Variants in SUCLG2 observed in about 807,000 individuals in gnomAD.
SUCLG2 encodes succinate-CoA ligase GDP-forming subunit beta, also known as succinate--CoA ligase [GDP-forming] subunit beta, mitochondrial.
SUCLG2 carries 42 observed loss-of-function variants against 47.9 expected under a neutral mutation model. The ratio of observed to expected loss-of-function variants is 0.88; its 90% CI spans 0.69 to 1.14. The LOEUF is 1.14. Among genes scored for constraint, SUCLG2 ranks in the 50% most tolerant of loss-of-function variants. The pLI is 0.00. For missense variants in SUCLG2, 571 were observed against 525.9 expected, an observed-to-expected ratio of 1.09 and a Z score of -0.84; for synonymous variants, 195 against 197.3, an observed-to-expected ratio of 0.99 and a Z score of 0.10.
intron 9 of SUCLG2, among the ~76,000 whole-genome samples, chr3:67,462,521 G>A (rs1575712344): frequency 6.6e-6 from 1 of 152,174 alleles, no homozygotes; most frequent in Non-Finnish European, 1.5e-5. Context: ...GCTTCTGGAC[G>A]GCTGAATGCA....
At chr3:67,464,340 T>C (rs1198462779) in intron 9 of SUCLG2, among the ~76,000 whole-genome samples, 1 of 152,200 alleles carries the variant, frequency 6.6e-6, no homozygotes, top group Non-Finnish European at 1.5e-5. Context: ...GGGTGTGCAA[T>C]TTTACAAGCG....
At chr3:67,602,303 G>A (rs1024859037) in intron 2 of SUCLG2, among the ~76,000 whole-genome samples, 15 of 152,314 alleles carry the variant, frequency 9.8e-5, no homozygotes, top group African/African-American at 3.6e-4. Context: ...TTAGTAGGCT[G>A]TTAAAATTGA....
intron 1 of SUCLG2, among the ~76,000 whole-genome samples, chr3:67,624,290 G>A (rs377421669): frequency 6.6e-6 from 1 of 152,118 alleles, no homozygotes; most frequent in East Asian, 1.9e-4. Context: ...CCTTCGCTGG[G>A]GAAATTCCTG....
At chr3:67,452,039 C>T (rs751323525) in intron 9 of SUCLG2, among the ~76,000 whole-genome samples, 1 of 152,138 alleles carries the variant, frequency 6.6e-6, no homozygotes, top group Non-Finnish European at 1.5e-5. Flanking sequence ...TCCCTAGAAT[C>T]ATCTAGGAAT....
intron 9 of SUCLG2, among the ~76,000 whole-genome samples, chr3:67,409,952 T>C (rs886582209): frequency 3.9e-5 from 6 of 152,182 alleles, no homozygotes; most frequent in Non-Finnish European, 7.4e-5. Context: ...CCAAAGTATA[T>C]TGTACGAAGT....
At chr3:67,448,302 G>A (rs1365446956) in intron 9 of SUCLG2, among the ~76,000 whole-genome samples, 1 of 152,086 alleles carries the variant, frequency 6.6e-6, no homozygotes, top group Non-Finnish European at 1.5e-5. Flanking sequence ...GACCTATTAG[G>A]TAAAAATGTA....
At chr3:67,537,575 G>T (rs887145362) in intron 2 of SUCLG2, among the ~76,000 whole-genome samples, 1 of 152,120 alleles carries the variant, frequency 6.6e-6, no homozygotes, top group African/African-American at 2.4e-5. Context: ...AATCCTTTGG[G>T]TATACGCCCA....
chr3:67,557,012 C>T (rs1474492954), intron 2 of SUCLG2, among the ~76,000 whole-genome samples: 3 of 152,170 alleles, frequency 2.0e-5, no homozygotes, highest in Non-Finnish European at 4.4e-5. Flanking sequence ...CTTGGACTGC[C>T]TTTCTACCAT....
intron 1 of SUCLG2, among the ~76,000 whole-genome samples, chr3:67,627,583 C>A (rs1470733776): frequency 6.6e-6 from 1 of 152,222 alleles, no homozygotes; most frequent in Non-Finnish European, 1.5e-5. Context: ...GGCTGATAAT[C>A]CTGCAAATTA....
At chr3:67,507,983 T>C (rs1192707673) in intron 7 of SUCLG2, among the ~76,000 whole-genome samples, 2 of 152,256 alleles carry the variant, frequency 1.3e-5, no homozygotes, top group East Asian at 3.8e-4. Context: ...TTACAAGCTT[T>C]TGCTATCAAA....
intron 7 of SUCLG2, among the ~76,000 whole-genome samples, chr3:67,501,021 G>A (rs1705481262): frequency 1.3e-5 from 2 of 152,152 alleles, no homozygotes; most frequent in Non-Finnish European, 2.9e-5. Flanking sequence ...GTTCTCTCCA[G>A]GGAACAATCT....
At chr3:67,619,456 G>A (rs1044899974) in intron 1 of SUCLG2, among the ~76,000 whole-genome samples, 3 of 152,142 alleles carry the variant, frequency 2.0e-5, no homozygotes, top group African/African-American at 7.2e-5. Context: ...TTATCTCCCA[G>A]TGCACAACCA....
rs569890707 is a variant in SUCLG2 at position 67,593,918 on chromosome 3, T to C, written c.226+15537A>G. On this transcript the variant is annotated intron_variant, in intron 2 of 10. Coordinates refer to ENST00000307227, the MANE Select transcript of SUCLG2 (RefSeq NM_003848.4). ...TCTTCCCACTAGAGGCCCTGACCCC[T>C]TGTCTTTGGATTCCAACAATGGGAT... Among the ~76,000 whole-genome samples, 30 of 152,346 alleles carry C rather than the reference T, an allele frequency of 2.0e-4. No homozygotes were observed. The South Asian group carries it at 5.4e-3, about 27-fold the overall frequency.
chr3:67,541,671 C>G (rs1329249773), intron 2 of SUCLG2, among the ~76,000 whole-genome samples: 4 of 152,194 alleles, frequency 2.6e-5, no homozygotes, highest in African/African-American at 9.6e-5. Context: ...GAGAACACCA[C>G]AAAGATACTC....
intron 2 of SUCLG2, among the ~76,000 whole-genome samples, chr3:67,536,479 G>A (rs1246733371): frequency 1.3e-5 from 2 of 152,132 alleles, no homozygotes; most frequent in Non-Finnish European, 1.5e-5. Context: ...TCTGTTCACT[G>A]CCATCATTCA....
intron 9 of SUCLG2, among the ~76,000 whole-genome samples, chr3:67,402,794 G>A (rs963579788): frequency 4.6e-5 from 7 of 152,156 alleles, no homozygotes; most frequent in Non-Finnish European, 7.4e-5. Context: ...GGACAAGTTC[G>A]GATGTCAACT....
chr3:67,553,781 A>G (rs1191845517), intron 2 of SUCLG2, among the ~76,000 whole-genome samples: 4 of 152,196 alleles, frequency 2.6e-5, no homozygotes, highest in Admixed American at 6.5e-5. Flanking sequence ...CTTTCAACAT[A>G]AAAATTACAA....
At position 67,491,194 on chromosome 3, in the gene SUCLG2, C is replaced by T. The variant is rs186632613; in HGVS notation, c.1062+4604G>A. 3.9e-3 allele frequency among the ~76,000 whole-genome samples: 584 copies of T among 148,064 alleles called. 2 individuals are homozygous for T. The highest frequency in any genetic ancestry group is 8.5e-3 in the South Asian group (40 of 4,684). Reference sequence around the variant, plus strand: ...AATTAGCCGGGCATGGTGGCAGACGCCTTTAGTCCCAGCTACTCAGGAGGC... The same window carrying T: ...AATTAGCCGGGCATGGTGGCAGACGTCTTTAGTCCCAGCTACTCAGGAGGC... On this transcript the variant is annotated intron_variant, in intron 9 of 10. Coordinates refer to ENST00000307227, the MANE Select transcript of SUCLG2 (RefSeq NM_003848.4).
chr3:67,576,522 G>T (rs1408323843), intron 2 of SUCLG2, among the ~76,000 whole-genome samples: 1 of 152,134 alleles, frequency 6.6e-6, no homozygotes, highest in Non-Finnish European at 1.5e-5. Context: ...GAAAATAGAT[G>T]AATTGAGATA....
Sources: allele counts gnomAD v4.1 joint callset (sites outside exome capture counted in the v4.1 genomes callset), GRCh38; gene constraint gnomAD v4.1.1; transcripts MANE v1.5; gene names NCBI Gene and HGNC (gene_info 2026-07-23, HGNC 2026-07-21).